CST7: variants seen among roughly 807,000 people sequenced by gnomAD.
CST7 encodes the protein cystatin-F.
Under a neutral mutation model 13.1 loss-of-function variants are expected in CST7, and 15 were observed. The observed-to-expected ratio is 1.14, with a 90% CI of 0.77 to 1.76. The LOEUF is 1.76. Ranked by LOEUF, CST7 falls within the 40% of genes most tolerant of loss-of-function variation. CST7 has a pLI of 0.00. For synonymous variants in CST7, 75 were observed against 66.9 expected (o/e 1.12, Z -0.59); for missense variants, 193 against 178.8 (o/e 1.08, Z -0.45).
At chr20:24,951,608 T>A (rs2049671901) in intron 1 of CST7, among the ~76,000 whole-genome samples, 1 of 152,132 alleles carries the variant, frequency 6.6e-6, no homozygotes, top group Admixed American at 6.5e-5. Context: ...CCTCTGAGAA[T>A]AAATTACAGA....
intron 2 of CST7, 142 bp from the exon 3 acceptor site, chr20:24,958,786 C>T (rs535079163): frequency 4.3e-5 from 29 of 670,344 alleles, no homozygotes; most frequent in Non-Finnish European, 6.4e-5. Flanking sequence ...GCCGTAAGCC[C>T]GAAGCATTGC....
At chr20:24,958,843 CACT>C (rs2087875875) in intron 2 of CST7, 82 bp from the exon 3 acceptor site, 3 of 984,346 alleles carry the variant, frequency 3.0e-6, no homozygotes, top group South Asian at 1.4e-5. Context: ...GCACCTGCAC[CACT>C]GTCTTGAGGC....
intron 2 of CST7, among the ~76,000 whole-genome samples, chr20:24,958,348 G>C (rs2087872759): frequency 6.6e-6 from 1 of 152,104 alleles, no homozygotes; most frequent in Non-Finnish European, 1.5e-5. Flanking sequence ...AGTCCTTGGG[G>C]TTCTCTGGGA....
intron 1 of CST7, among the ~76,000 whole-genome samples, chr20:24,952,050 T>C (rs1306103124): frequency 6.6e-6 from 1 of 152,230 alleles, no homozygotes; most frequent in Non-Finnish European, 1.5e-5. Context: ...TGGGGAGCAC[T>C]GGGAGCTGCC....
intron 3 of CST7, 31 bp downstream of exon 3, chr20:24,959,075 C>T (rs753074395): frequency 7.4e-6 from 11 of 1,487,312 alleles, no homozygotes; most frequent in African/African-American, 1.4e-5. Context: ...CTCAGATGTG[C>T]CCTCTCTTCC....
Position 24,949,282 on chromosome 20 carries a change from G to T in CST7, c.-224G>T. On this transcript the variant is annotated 5_prime_UTR_variant, in exon 1 of 4. Transcript: ENST00000480798. Reference sequence around the variant, plus strand: ...CTGGGACAGCCCACTGTTCCATGCTGCCCAAGAAGGCTCAGCACAGGCACA... The same window carrying T: ...CTGGGACAGCCCACTGTTCCATGCTTCCCAAGAAGGCTCAGCACAGGCACA... 1 of 1,383,656 alleles carries T rather than the reference G, an allele frequency of 7.2e-7. No homozygotes were observed. Among genetic ancestry groups the T allele is most frequent in the Admixed American group, 2.4e-5 (1 of 41,082 alleles). 85.7% of individuals were successfully genotyped at this position (1,383,656 alleles called of 1,614,324 possible).
At chr20:24,951,433 T>C (rs1470589771) in intron 1 of CST7, among the ~76,000 whole-genome samples, 1 of 152,154 alleles carries the variant, frequency 6.6e-6, no homozygotes, top group Non-Finnish European at 1.5e-5. Flanking sequence ...CCAGGCGCTG[T>C]GATCATTTCT....
chr20:24,955,157 A>C (rs1357568808), intron 1 of CST7, among the ~76,000 whole-genome samples: 1 of 152,178 alleles, frequency 6.6e-6, no homozygotes, highest in East Asian at 1.9e-4. Context: ...TGATGAGCTG[A>C]AACCAAGCTG....
In CST7 at chr20:24,959,854, C is replaced by A; in HGVS notation, c.*142C>A. Reference sequence around the variant, plus strand: ...AGCGGGTGAAGTGCCACTGGGTCACCGCAGGGCAGCTGGAATGGCAGCATG... The same window carrying A: ...AGCGGGTGAAGTGCCACTGGGTCACAGCAGGGCAGCTGGAATGGCAGCATG... On this transcript the variant is annotated 3_prime_UTR_variant, in exon 4 of 4. Transcript: ENST00000480798. 2.7e-6 allele frequency: 2 copies of A among 743,918 alleles called. No homozygotes were observed. The highest frequency in any genetic ancestry group is 4.7e-6 in the Non-Finnish European group (2 of 422,994). The allele number at this position is 743,918 out of a possible 1,614,324, so 46.1% of individuals were successfully genotyped here.
At chr20:24,949,701 G>A in intron 1 of CST7, 126 bp downstream of exon 1, 2 of 1,273,958 alleles carry the variant, frequency 1.6e-6, no homozygotes, top group Non-Finnish European at 2.2e-6. Flanking sequence ...GGTGGTGAGA[G>A]GTGCTGGGAG....
chr20:24,959,417 G>A (rs1396608106), intron 3 of CST7, among the ~76,000 whole-genome samples: 1 of 152,174 alleles, frequency 6.6e-6, no homozygotes, highest in Non-Finnish European at 1.5e-5. Flanking sequence ...TCTCTGCAGA[G>A]AGAGCAAGAG....
At chr20:24,958,667 A>T (rs1173532711) in intron 2 of CST7, among the ~76,000 whole-genome samples, 2 of 152,154 alleles carry the variant, frequency 1.3e-5, no homozygotes, top group East Asian at 3.9e-4. Flanking sequence ...ACCTAGTGTG[A>T]CGTCCCTCCT....
intron 1 of CST7, among the ~76,000 whole-genome samples, chr20:24,956,171 A>C (rs986088171): frequency 6.6e-6 from 1 of 152,122 alleles, no homozygotes; most frequent in Non-Finnish European, 1.5e-5. Flanking sequence ...TGGTGACCAG[A>C]AACCTCGTCA....
chr20:24,949,292 G>C lies in CST7; in HGVS notation c.-214G>C. 3.5e-6 allele frequency: 5 copies of C among 1,433,024 alleles called. No homozygotes were observed. Among genetic ancestry groups the C allele is most frequent in the Non-Finnish European group, 4.7e-6 (5 of 1,071,356 alleles). The allele number at this position is 1,433,024 out of a possible 1,614,324, so 88.8% of individuals were successfully genotyped here. On this transcript the variant is annotated 5_prime_UTR_variant, in exon 1 of 4. Transcript: ENST00000480798. ...CCACTGTTCCATGCTGCCCAAGAAG[G>C]CTCAGCACAGGCACAAACCATTGCC...
At chr20:24,957,101 AGGGT>A (rs2087862729) in intron 1 of CST7, among the ~76,000 whole-genome samples, 182 bp from the exon 2 acceptor site, 8 of 1,194 alleles carry the variant, frequency 6.7e-3, no homozygotes, top group East Asian at 0.017. Flanking sequence ...AGGGGTGGGT[AGGGT>A]GGGGGCAGGT....
intron 1 of CST7, among the ~76,000 whole-genome samples, chr20:24,952,674 CA>C (rs1465069923): frequency 6.6e-6 from 1 of 152,214 alleles, no homozygotes; most frequent in Non-Finnish European, 1.5e-5. Flanking sequence ...GGGCCCCTCT[CA>C]AAGGGTCTCC....
At chr20:24,952,177 T>C (rs980155051) in intron 1 of CST7, among the ~76,000 whole-genome samples, 2 of 152,236 alleles carry the variant, frequency 1.3e-5, no homozygotes, top group African/African-American at 4.8e-5. Context: ...TGATTACAGT[T>C]TTGCACATCA....
intron 2 of CST7, among the ~76,000 whole-genome samples, chr20:24,958,581 C>T (rs550955499): frequency 5.9e-5 from 9 of 152,318 alleles, no homozygotes; most frequent in Admixed American, 2.6e-4. Flanking sequence ...CCAGGCCTGA[C>T]ACAGAGGCCA....
intron 1 of CST7, among the ~76,000 whole-genome samples, chr20:24,955,235 G>A (rs1323542835): frequency 6.6e-6 from 1 of 152,098 alleles, no homozygotes; most frequent in African/African-American, 2.4e-5. Context: ...CAAGCACAAG[G>A]ACCAGAAGGA....
Sources: allele counts gnomAD v4.1 joint callset (sites outside exome capture counted in the v4.1 genomes callset), GRCh38; gene constraint gnomAD v4.1.1; transcripts MANE v1.5; gene names NCBI Gene and HGNC (gene_info 2026-07-23, HGNC 2026-07-21).